Variants in PSEN1 observed in about 807,000 individuals in gnomAD.
PSEN1 encodes the protein presenilin 1.
Under a neutral mutation model 53.5 loss-of-function variants are expected in PSEN1, and 15 were observed. That is an observed-to-expected ratio of 0.28 (90% CI 0.19 to 0.43). The LOEUF (loss-of-function observed/expected upper bound fraction) is 0.43, where lower values mean the gene tolerates loss of function less well. Among genes scored for constraint, PSEN1 ranks in the 20% least tolerant of loss-of-function variants. The probability of loss-of-function intolerance (pLI) is 1.00; values close to 1 mark genes in which losing one functional copy is unlikely to be tolerated. For missense variants in PSEN1, 387 were observed against 571.2 expected, an observed-to-expected ratio of 0.68 and a Z score of 3.29; for synonymous variants, 208 against 209.8, an observed-to-expected ratio of 0.99 and a Z score of 0.08.
chr14:73,187,743 G>A (rs1898568036), intron 6 of PSEN1, among the ~76,000 whole-genome samples: 1 of 151,924 alleles, frequency 6.6e-6, no homozygotes. Context: ...TTAAGGAATG[G>A]TAACTCTAAT....
At chr14:73,202,394 CTG>C (rs1382872008) in intron 8 of PSEN1, among the ~76,000 whole-genome samples, 1 of 110,336 alleles carries the variant, frequency 9.1e-6, no homozygotes, top group Non-Finnish European at 1.7e-5. Context: ...AGCATTTACT[CTG>C]TTTTAAAATA....
At chr14:73,206,859 A>G (rs946074709) in intron 9 of PSEN1, among the ~76,000 whole-genome samples, 1 of 152,234 alleles carries the variant, frequency 6.6e-6, no homozygotes, top group African/African-American at 2.4e-5. Flanking sequence ...AACAGACAAT[A>G]AAGGAAAAAT....
intron 6 of PSEN1, among the ~76,000 whole-genome samples, chr14:73,189,454 T>C (rs978109524): frequency 6.6e-6 from 1 of 151,794 alleles, no homozygotes; most frequent in African/African-American, 2.4e-5. Context: ...CTACTAAAAA[T>C]ACAAAAAATT....
intron 10 of PSEN1, among the ~76,000 whole-genome samples, chr14:73,216,877 CTTA>C (rs1419263991): frequency 2.6e-5 from 4 of 152,032 alleles, no homozygotes; most frequent in African/African-American, 7.3e-5. Flanking sequence ...ACGATTATTA[CTTA>C]TTATTGTTAT....
chr14:73,165,901 CA>C (rs1897698988), intron 3 of PSEN1, among the ~76,000 whole-genome samples: 1 of 151,744 alleles, frequency 6.6e-6, no homozygotes, highest in African/African-American at 2.4e-5. Flanking sequence ...ACTAAAAATA[CA>C]AACATTAAGC....
chr14:73,212,088 C>CTTT lies in PSEN1; in HGVS notation c.1129+185_1129+187dup, dbSNP rs398043836. ...TTATTTGGATATATCAGTAATAGTG[C>CTTT]TTTTTTTTTTTTTTTTTTTTTTTTT... On this transcript the variant is annotated intron_variant, in intron 10 of 11. Transcript: ENST00000324501. 2.2e-3 allele frequency: 154 copies of CTTT among 70,566 alleles called. 63 individuals are homozygous for CTTT. Among genetic ancestry groups the CTTT allele is most frequent in the Non-Finnish European group, 3.0e-3 (115 of 37,888 alleles). 4.4% of individuals were successfully genotyped at this position (70,566 alleles called of 1,614,324 possible). A position where few individuals can be genotyped will look rare whatever the true frequency, so the allele number is the denominator to read the frequency against.
intron 3 of PSEN1, chr14:73,167,802 C>T (rs529776058): frequency 7.5e-5 from 11 of 147,086 alleles, no homozygotes; most frequent in African/African-American, 2.8e-4. Flanking sequence ...CAAGTTAAAT[C>T]ACTCTCTATT....
intron 10 of PSEN1, among the ~76,000 whole-genome samples, chr14:73,212,782 G>A (rs905206029): frequency 6.6e-6 from 1 of 152,202 alleles, no homozygotes; most frequent in Admixed American, 6.5e-5. Context: ...CTTTGGTTAG[G>A]GCTCAGTCAT....
chr14:73,171,175 G>A, intron 4 of PSEN1, 128 bp downstream of exon 4: 2 of 1,138,600 alleles, frequency 1.8e-6, no homozygotes, highest in South Asian at 2.6e-5. Context: ...CCTCTGTGAT[G>A]GTCAGGAGCA....
At chr14:73,211,975 G>A (rs201510690) in intron 10 of PSEN1, 33 bp downstream of exon 10, 57 of 1,600,280 alleles carry the variant, frequency 3.6e-5, no homozygotes, top group Non-Finnish European at 4.6e-5. Context: ...CAAAGTCATG[G>A]ATTCCTTTAG....
intron 9 of PSEN1, among the ~76,000 whole-genome samples, chr14:73,211,422 T>C (rs890945371): frequency 6.6e-6 from 1 of 152,212 alleles, no homozygotes; most frequent in South Asian, 2.1e-4. Context: ...CGGTGGACTT[T>C]GCTTCACCAC....
At chr14:73,182,855 A>G (rs1183924799) in intron 5 of PSEN1, among the ~76,000 whole-genome samples, 2 of 152,204 alleles carry the variant, frequency 1.3e-5, no homozygotes, top group Non-Finnish European at 2.9e-5. Context: ...ATAAATAAAT[A>G]AAATTAAAAA....
chr14:73,218,071 A>G (rs1899991575), intron 11 of PSEN1, among the ~76,000 whole-genome samples: 1 of 142,782 alleles, frequency 7.0e-6, no homozygotes, highest in South Asian at 2.3e-4. Context: ...TACAGGCGTG[A>G]GCCACCGCAC....
At position 73,201,075 on chromosome 14, in the gene PSEN1, TTTTGTTTG is replaced by T. The variant is rs78560838; in HGVS notation, c.868+2972_868+2979del. 2.8e-3 allele frequency among the ~76,000 whole-genome samples: 426 copies of T among 150,948 alleles called. 4 individuals are homozygous for T. The highest frequency in any genetic ancestry group is 0.01 in the Middle Eastern group (3 of 292). Reference sequence around the variant, plus strand: ...ACCCTCCCAAAAAAAGAGAATATCTTTTTGTTTGTTTGTTTGTTTGTTTGTTTGTTTGT... The same window carrying T: ...ACCCTCCCAAAAAAAGAGAATATCTTTTTGTTTGTTTGTTTGTTTGTTTGT... On this transcript the variant is annotated intron_variant, in intron 8 of 11. Transcript: ENST00000324501.
intron 5 of PSEN1, among the ~76,000 whole-genome samples, chr14:73,176,929 C>CT (rs1321368131): frequency 6.6e-6 from 1 of 152,218 alleles, no homozygotes; most frequent in Non-Finnish European, 1.5e-5. Context: ...TGTGGGTTCT[C>CT]TTTTCATGCC....
intron 5 of PSEN1, among the ~76,000 whole-genome samples, chr14:73,185,594 G>GGAGAGGGAGACCGTGGGGAGA (rs1898478230): frequency 6.6e-6 from 1 of 151,776 alleles, no homozygotes; most frequent in Non-Finnish European, 1.5e-5. Context: ...GGAAAGAGAG[G>GGAGAGGGAGACCGTGGGGAGA]GAGAGGGAGA....
intron 11 of PSEN1, among the ~76,000 whole-genome samples, chr14:73,218,153 A>C (rs1899999635): frequency 7.2e-6 from 1 of 139,724 alleles, no homozygotes; most frequent in South Asian, 2.2e-4. Context: ...GTGCAGTGAC[A>C]TTAGCTCACT....
At chr14:73,207,609 C>G (rs552662940) in intron 9 of PSEN1, among the ~76,000 whole-genome samples, 1 of 152,324 alleles carries the variant, frequency 6.6e-6, no homozygotes, top group East Asian at 1.9e-4. Flanking sequence ...AGCAAGGCAG[C>G]AGAACAAGGT....
At chr14:73,184,810 G>A (rs1486423397) in intron 5 of PSEN1, among the ~76,000 whole-genome samples, 1 of 150,446 alleles carries the variant, frequency 6.6e-6, no homozygotes, top group African/African-American at 2.5e-5. Flanking sequence ...CTTCCCAGAC[G>A]GGGCGGCTGC....
Sources: allele counts gnomAD v4.1 joint callset (sites outside exome capture counted in the v4.1 genomes callset), GRCh38; gene constraint gnomAD v4.1.1; transcripts MANE v1.5; gene names NCBI Gene and HGNC (gene_info 2026-07-23, HGNC 2026-07-21).